Variants in CHMP3 observed in about 807,000 individuals in gnomAD.
CHMP3 encodes the protein 25.1 protein.
In CHMP3, 8 loss-of-function variants were observed where a neutral mutation model predicts 27.4. The ratio of observed to expected loss-of-function variants is 0.29; its 90% CI spans 0.17 to 0.53. The LOEUF is 0.53. CHMP3 is among the 20% of genes least tolerant of loss of function. The pLI, the probability that CHMP3 is intolerant of heterozygous loss-of-function variation, is 0.96. For synonymous variants in CHMP3, 86 were observed against 85.5 expected (o/e 1.01, Z -0.03); for missense variants, 208 against 271.5 (o/e 0.77, Z 1.64).
rs1407433615 is a variant in CHMP3, at chr2:86,504,142, G to C, written c.*1662C>G. ...AGGTGAAGCATAGAGAAGTTTTAGG[G>C]CAGTGAAACTATTCTGTATGATTCT... On this transcript the variant is annotated 3_prime_UTR_variant, in exon 6 of 6. Coordinates refer to ENST00000263856, the MANE Select transcript of CHMP3 (RefSeq NM_016079.4). The C allele has an allele frequency of 6.6e-6, 1 of 152,120 alleles. No homozygotes were observed. Among genetic ancestry groups the C allele is most frequent in the Non-Finnish European group, 1.5e-5 (1 of 68,042 alleles). 9.4% of individuals were successfully genotyped at this position (152,120 alleles called of 1,614,324 possible).
At chr2:86,533,005 GTTC>G (rs1225673322) in intron 2 of CHMP3, among the ~76,000 whole-genome samples, 3 of 152,316 alleles carry the variant, frequency 2.0e-5, no homozygotes, top group South Asian at 4.1e-4. Flanking sequence ...ATTGGTGTTA[GTTC>G]TTCTTTAACT....
At chr2:86,548,310 G>C (rs1027336891) in intron 1 of CHMP3, among the ~76,000 whole-genome samples, 2 of 151,990 alleles carry the variant, frequency 1.3e-5, no homozygotes, top group Non-Finnish European at 2.9e-5. Flanking sequence ...AAGGTCTCTG[G>C]TTTTCCTAGG....
At chr2:86,519,746 A>G (rs1377523941) in intron 3 of CHMP3, among the ~76,000 whole-genome samples, 2 of 152,204 alleles carry the variant, frequency 1.3e-5, no homozygotes, top group Non-Finnish European at 2.9e-5. Context: ...TATGCAGGGG[A>G]AAATATTTCA....
chr2:86,538,987 G>A (rs1328461281), intron 2 of CHMP3, among the ~76,000 whole-genome samples: 1 of 152,080 alleles, frequency 6.6e-6, no homozygotes, highest in Non-Finnish European at 1.5e-5. Context: ...ATGCCACAAG[G>A]CCCCCTTACG....
chr2:86,507,487 A>G lies in CHMP3; in HGVS notation c.515T>C (p.Ile172Thr). ...GGATCTCACGGTCATACCTGCTGTA[A>G]TTTCAAAGAGAATTCTGTCAATTTC... is the stretch of plus-strand genomic sequence containing the variant. ...EMEIDRILFE[I>T]TAGALGKAPS... is the part of the protein sequence containing the mutation. The change falls in exon 5 of 6, where the codon ATT becomes ACT. Residue 172 changes from isoleucine (I) to threonine (T), a missense_variant. By Grantham distance (89) the Ile-to-Thr change is moderately conservative (BLOSUM62 -1). Coordinates refer to ENST00000263856, the MANE Select transcript of CHMP3 (RefSeq NM_016079.4). 6.2e-7 allele frequency: 1 copy of G among 1,614,086 alleles called. No homozygotes were observed. Among genetic ancestry groups the G allele is most frequent in the African/African-American group, 1.3e-5 (1 of 75,064 alleles).
intron 1 of CHMP3, chr2:86,542,861 G>A (rs1676418766): frequency 6.6e-6 from 1 of 152,246 alleles, no homozygotes; most frequent in Non-Finnish European, 1.5e-5. Context: ...TGGTGGAGGT[G>A]TTGAGAAAGT....
At chr2:86,549,437 A>C (rs1308414303) in intron 1 of CHMP3, among the ~76,000 whole-genome samples, 1 of 114,384 alleles carries the variant, frequency 8.7e-6, no homozygotes, top group Non-Finnish European at 1.8e-5. Context: ...GGCGCTCCTC[A>C]GTTCCCAGAT....
intron 1 of CHMP3, among the ~76,000 whole-genome samples, chr2:86,545,337 C>T (rs1247219153): frequency 1.4e-4 from 13 of 96,092 alleles, no homozygotes; most frequent in African/African-American, 5.3e-4. Context: ...CCTCACCTCC[C>T]GGACGAAGGG....
At chr2:86,518,866 G>A (rs1296003122) in intron 3 of CHMP3, among the ~76,000 whole-genome samples, 4 of 152,180 alleles carry the variant, frequency 2.6e-5, no homozygotes, top group Non-Finnish European at 5.9e-5. Context: ...AAACATGAAA[G>A]TTAATCATGT....
chr2:86,515,311 G>C (rs983466818), intron 3 of CHMP3: 5 of 152,018 alleles, frequency 3.3e-5, no homozygotes, highest in African/African-American at 1.2e-4. Context: ...GAGAACACTA[G>C]ATTTCTTTCT....
chr2:86,525,377 G>T (rs900522751), intron 3 of CHMP3, among the ~76,000 whole-genome samples: 5 of 152,054 alleles, frequency 3.3e-5, no homozygotes, highest in Non-Finnish European at 7.4e-5. Context: ...TTACGCTACA[G>T]GTAAAATACT....
intron 2 of CHMP3, among the ~76,000 whole-genome samples, chr2:86,539,089 C>G (rs7596717): frequency 6.6e-6 from 1 of 151,922 alleles, no homozygotes; most frequent in Non-Finnish European, 1.5e-5. Context: ...TCATTTTTAC[C>G]CTAGTATTTC....
chr2:86,535,167 G>A (rs1676078209), intron 2 of CHMP3, among the ~76,000 whole-genome samples: 1 of 151,084 alleles, frequency 6.6e-6, no homozygotes, highest in Non-Finnish European at 1.5e-5. Flanking sequence ...GAGATGGGAG[G>A]ATTGCTAGAG....
chr2:86,556,770 G>A (rs887762025), intron 1 of CHMP3, among the ~76,000 whole-genome samples: 1 of 152,140 alleles, frequency 6.6e-6, no homozygotes, highest in Non-Finnish European at 1.5e-5. Context: ...TGTCAGGGCC[G>A]CGGTTGCTAC....
At chr2:86,539,365 A>G (rs114613629) in intron 2 of CHMP3, among the ~76,000 whole-genome samples, 119 of 152,278 alleles carry the variant, frequency 7.8e-4, no homozygotes, top group African/African-American at 2.6e-3. Flanking sequence ...TATGAGATTC[A>G]AAGAAGTTTA....
At chr2:86,555,504 A>C (rs1237416293) in intron 1 of CHMP3, among the ~76,000 whole-genome samples, 1 of 150,712 alleles carries the variant, frequency 6.6e-6, no homozygotes, top group Non-Finnish European at 1.5e-5. Context: ...CCATCTCAAA[A>C]AAAAAAATAA....
rs535991283 is a variant in CHMP3, at chr2:86,562,863, C to G, written c.45+441G>C. 635 of 159,314 alleles carry G rather than the reference C, an allele frequency of 4.0e-3. 4 individuals are homozygous for G. The highest frequency in any genetic ancestry group is 7.8e-3 in the Non-Finnish European group (562 of 72,474). 9.9% of individuals were successfully genotyped at this position (159,314 alleles called of 1,614,324 possible). ...CACAACAGGGAGGACGGAGAACAGA[C>G]GGCTCCTCCGGCAGACGCGACCCGG... On this transcript the variant is annotated intron_variant, in intron 1 of 5. Transcript: ENST00000263856.
At chr2:86,548,846 G>T (rs1676729882) in intron 1 of CHMP3, among the ~76,000 whole-genome samples, 1 of 149,886 alleles carries the variant, frequency 6.7e-6, no homozygotes, top group Admixed American at 6.6e-5. Context: ...CCCAGATGGG[G>T]TGGTGGCCGG....
intron 2 of CHMP3, among the ~76,000 whole-genome samples, chr2:86,531,687 T>C (rs1675928627): frequency 6.6e-6 from 1 of 152,234 alleles, no homozygotes; most frequent in Non-Finnish European, 1.5e-5. Context: ...TGCATATGGA[T>C]ATCCAGTTTT....
Sources: gnomAD v4.1 joint callset for allele counts (sites outside exome capture counted in the v4.1 genomes callset) on GRCh38, gnomAD v4.1.1 for gene constraint, MANE v1.5 for transcripts, NCBI Gene and HGNC (gene_info 2026-07-23, HGNC 2026-07-21) for gene names.